The following GNAQ variants were observed in gnomAD, a reference collection of about 807,000 sequenced individuals.
GNAQ encodes G protein subunit alpha q.
A neutral mutation model predicts 43.9 loss-of-function variants in GNAQ; 8 were observed. That is an observed-to-expected ratio of 0.18 (90% CI 0.11 to 0.33). The LOEUF is 0.33. Ranked by LOEUF, GNAQ falls within the 10% of genes least tolerant of loss-of-function variation. The pLI, the probability that GNAQ is intolerant of heterozygous loss-of-function variation, is 1.00. For missense variants in GNAQ, 158 were observed against 450.8 expected (o/e 0.35, Z 5.88); for synonymous variants, 155 against 170.7 (o/e 0.91, Z 0.71).
At chr9:78,017,747 G>T (rs1823857258) in intron 1 of GNAQ, among the ~76,000 whole-genome samples, 1 of 152,146 alleles carries the variant, frequency 6.6e-6, no homozygotes, top group African/African-American at 2.4e-5. Flanking sequence ...CTGGGGTTAA[G>T]TTTTTGGCAA....
chr9:77,973,027 AAAC>A (rs554066456), intron 1 of GNAQ, among the ~76,000 whole-genome samples: 222 of 146,872 alleles, frequency 1.5e-3, no homozygotes, highest in African/African-American at 5.2e-3. Flanking sequence ...AAAAAAAAAA[AAAC>A]AAGACATACC....
chr9:77,886,363 T>C (rs1320254402), intron 2 of GNAQ, among the ~76,000 whole-genome samples: 1 of 149,304 alleles, frequency 6.7e-6, no homozygotes, highest in Non-Finnish European at 1.5e-5. Context: ...TAAATTGATT[T>C]CTTAAATTTA....
intron 2 of GNAQ, among the ~76,000 whole-genome samples, 164 bp from the exon 3 acceptor site, chr9:77,815,934 G>A (rs950541437): frequency 2.1e-4 from 32 of 151,990 alleles, no homozygotes; most frequent in African/African-American, 7.7e-4. Context: ...TTTTCTTAGA[G>A]AGAACTCAGT....
At chr9:78,024,042 C>T (rs1026809527) in intron 1 of GNAQ, among the ~76,000 whole-genome samples, 2 of 150,578 alleles carry the variant, frequency 1.3e-5, no homozygotes, top group African/African-American at 5.0e-5. Flanking sequence ...ATTTCTAAAG[C>T]AGACATATTG....
At chr9:77,798,384 T>C (rs570157421) in intron 3 of GNAQ, among the ~76,000 whole-genome samples, 1 of 152,194 alleles carries the variant, frequency 6.6e-6, no homozygotes, top group Non-Finnish European at 1.5e-5. Context: ...CATTTCCCTG[T>C]ACCCTTTACC....
At chr9:78,017,806 T>C (rs754212527) in intron 1 of GNAQ, among the ~76,000 whole-genome samples, 6 of 152,066 alleles carry the variant, frequency 3.9e-5, no homozygotes, top group African/African-American at 7.2e-5. Context: ...AGTTCAAAAA[T>C]AGGCAAAGGA....
At chr9:77,807,457 T>A (rs1412300793) in intron 3 of GNAQ, among the ~76,000 whole-genome samples, 1 of 152,214 alleles carries the variant, frequency 6.6e-6, no homozygotes, top group Admixed American at 6.5e-5. Context: ...CACATAATCC[T>A]TGCACTCAGA....
At chr9:77,990,928 T>A (rs957138051) in intron 1 of GNAQ, among the ~76,000 whole-genome samples, 1 of 152,210 alleles carries the variant, frequency 6.6e-6, no homozygotes. Flanking sequence ...TATTTATACA[T>A]ACGAAAGAAA....
intron 1 of GNAQ, among the ~76,000 whole-genome samples, chr9:77,948,518 G>A (rs372567063): frequency 1.3e-5 from 2 of 152,176 alleles, no homozygotes; most frequent in African/African-American, 2.4e-5. Context: ...GGACACAGAG[G>A]GGGGGCAGAT....
At chr9:77,823,771 C>T (rs962775740) in intron 2 of GNAQ, among the ~76,000 whole-genome samples, 3 of 152,064 alleles carry the variant, frequency 2.0e-5, no homozygotes, top group Admixed American at 1.3e-4. Context: ...GAAATCTGTC[C>T]CCACGATTCA....
intron 1 of GNAQ, among the ~76,000 whole-genome samples, chr9:77,984,816 T>C (rs1300849637): frequency 6.6e-6 from 1 of 152,130 alleles, no homozygotes; most frequent in African/African-American, 2.4e-5. Flanking sequence ...GATTCACTTA[T>C]TATAACTGAC....
chr9:77,867,900 C>T (rs1477781309), intron 2 of GNAQ, among the ~76,000 whole-genome samples: 1 of 152,206 alleles, frequency 6.6e-6, no homozygotes, highest in Non-Finnish European at 1.5e-5. Flanking sequence ...CATTAATCCC[C>T]TTTAGAAGAA....
chr9:77,983,501 G>T (rs1376951093), intron 1 of GNAQ, among the ~76,000 whole-genome samples: 1 of 152,166 alleles, frequency 6.6e-6, no homozygotes, highest in Non-Finnish European at 1.5e-5. Context: ...GTATGGCCTT[G>T]AGCCTCTTCG....
chr9:77,923,598 A>G (rs927646223), intron 1 of GNAQ, among the ~76,000 whole-genome samples: 5 of 152,166 alleles, frequency 3.3e-5, no homozygotes, highest in African/African-American at 9.7e-5. Flanking sequence ...ACTCCCTCTC[A>G]AATTTCCTTG....
chr9:78,029,056 T>G (rs1821506358), intron 1 of GNAQ, among the ~76,000 whole-genome samples: 1 of 152,188 alleles, frequency 6.6e-6, no homozygotes, highest in South Asian at 2.1e-4. Flanking sequence ...TATCTCCAAG[T>G]TCATTTTTAA....
chr9:77,824,385 A>T (rs1827160541), intron 2 of GNAQ, among the ~76,000 whole-genome samples: 1 of 152,218 alleles, frequency 6.6e-6, no homozygotes, highest in African/African-American at 2.4e-5. Context: ...GAAAGACATA[A>T]ATATCTCAGT....
chr9:77,726,625 G>A lies in GNAQ; in HGVS notation c.889+1889C>T, dbSNP rs76204344. Among the ~76,000 whole-genome samples the A allele has an allele frequency of 1.8e-3, 280 of 152,296 alleles. 2 individuals carry two copies. The highest frequency in any genetic ancestry group is 6.0e-3 in the African/African-American group (250 of 41,562). ...AGTAAGTACAAAAACACTGTGGAAT[G>A]ATATCCATCCTGGATATCATATGTT... On this transcript the variant is annotated intron_variant, in intron 6 of 6. Transcript: ENST00000286548.
intron 2 of GNAQ, among the ~76,000 whole-genome samples, chr9:77,866,202 G>A (rs1201397021): frequency 1.3e-5 from 2 of 152,198 alleles, no homozygotes; most frequent in African/African-American, 2.4e-5. Context: ...TTTAGGCCGG[G>A]TGTGGTGGCT....
At chr9:77,794,840 A>C (rs1268006865) in intron 4 of GNAQ, among the ~76,000 whole-genome samples, 1 of 152,188 alleles carries the variant, frequency 6.6e-6, no homozygotes, top group African/African-American at 2.4e-5. Context: ...AAACTGTAAC[A>C]CTGTAAAAAA....
Sources: allele counts gnomAD v4.1 joint callset (sites outside exome capture counted in the v4.1 genomes callset), GRCh38; gene constraint gnomAD v4.1.1; transcripts MANE v1.5; gene names NCBI Gene and HGNC (gene_info 2026-07-23, HGNC 2026-07-21).